NNT: variants seen among roughly 807,000 people sequenced by gnomAD.
The protein encoded by NNT is nicotinamide nucleotide transhydrogenase.
In NNT, 50 loss-of-function variants were observed where a neutral mutation model predicts 104.8. The ratio of observed to expected loss-of-function variants is 0.48; its 90% CI spans 0.38 to 0.60. NNT has a LOEUF of 0.60. Ranked by LOEUF, NNT falls within the 20% of genes least tolerant of loss-of-function variation. The pLI, the probability that NNT is intolerant of heterozygous loss-of-function variation, is 0.00. For missense variants in NNT, 1,131 were observed against 1,330.7 expected (o/e 0.85, Z 2.33); for synonymous variants, 461 against 490.4 (o/e 0.94, Z 0.79).
rs113865225 is a variant in NNT, at chr5:43,666,961, C to T, written c.2634+7611C>T. Reference sequence around the variant, plus strand: ...AATGTAGGCAAGTGGATCGAGCTTGCGGCTGACACCCTTTGGGATCTTGGG... The same window carrying T: ...AATGTAGGCAAGTGGATCGAGCTTGTGGCTGACACCCTTTGGGATCTTGGG... On this transcript the variant is annotated intron_variant, in intron 17 of 21. Transcript: ENST00000344920. The T allele has an allele frequency of 2.0e-3, 3,163 of 1,591,370 alleles. 13 individuals are homozygous for T. The highest frequency in any genetic ancestry group is 6.4e-3 in the South Asian group (582 of 90,854).
chr5:43,696,972 C>T (rs1257675881), intron 19 of NNT, among the ~76,000 whole-genome samples: 2 of 151,188 alleles, frequency 1.3e-5, no homozygotes, highest in Non-Finnish European at 2.9e-5. Context: ...CGCTGACATG[C>T]CCTGGAGAGA....
chr5:43,691,070 A>AGAGTGTGTGTGTGT (rs1245517310), intron 19 of NNT, among the ~76,000 whole-genome samples: 14 of 137,398 alleles, frequency 1.0e-4, no homozygotes, highest in Non-Finnish European at 6.3e-5. Context: ...TTTTTGAGAG[A>AGAGTGTGTGTGTGT]GTGTGTGTGT....
intron 3 of NNT, chr5:43,613,763 A>G (rs1749628749): frequency 1.3e-5 from 2 of 152,242 alleles, no homozygotes; most frequent in African/African-American, 4.8e-5. Flanking sequence ...ACAGATGATA[A>G]CTAGAGTTGA....
At chr5:43,665,795 G>A (rs1357885041) in intron 17 of NNT, among the ~76,000 whole-genome samples, 2 of 137,894 alleles carry the variant, frequency 1.5e-5, no homozygotes, top group Admixed American at 1.4e-4. Context: ...CTTCCCAGAC[G>A]GGGCAGCCAG....
At chr5:43,691,070 AGTGTGTGTGTGTGTGTGTGTGT>A (rs56075202) in intron 19 of NNT, among the ~76,000 whole-genome samples, 1 of 137,400 alleles carries the variant, frequency 7.3e-6, no homozygotes, top group Non-Finnish European at 1.6e-5. Flanking sequence ...TTTTTGAGAG[AGTGTGTGTGTGTGTGTGTGTGT>A]GTGTGTGTGT....
At chr5:43,635,492 G>T (rs1035106442) in intron 7 of NNT, among the ~76,000 whole-genome samples, 3 of 152,198 alleles carry the variant, frequency 2.0e-5, no homozygotes, top group East Asian at 1.9e-4. Context: ...GCTGGGAATT[G>T]TCTAGCTCTG....
intron 17 of NNT, among the ~76,000 whole-genome samples, chr5:43,675,180 A>G (rs1403159553): frequency 6.6e-6 from 1 of 152,236 alleles, no homozygotes; most frequent in Non-Finnish European, 1.5e-5. Flanking sequence ...TTGTTCAATC[A>G]GCATTCAGAC....
intron 1 of NNT, 134 bp downstream of exon 1, chr5:43,603,428 C>A (rs1483554760): frequency 1.3e-5 from 2 of 153,028 alleles, no homozygotes; most frequent in Non-Finnish European, 2.9e-5. Flanking sequence ...CAAAGCGGGG[C>A]GGGGTCGGCG....
intron 20 of NNT, among the ~76,000 whole-genome samples, chr5:43,701,714 T>C (rs919865376): frequency 5.3e-5 from 8 of 152,218 alleles, no homozygotes; most frequent in Non-Finnish European, 7.3e-5. Context: ...AATGTTCCAT[T>C]TTCTCCACAG....
chr5:43,685,492 T>A (rs913828754), intron 19 of NNT, among the ~76,000 whole-genome samples: 11 of 152,122 alleles, frequency 7.2e-5, no homozygotes, highest in African/African-American at 1.7e-4. Flanking sequence ...CTTATTTTTT[T>A]TAAAAAAATC....
chr5:43,632,195 G>A (rs972192269), intron 7 of NNT, among the ~76,000 whole-genome samples: 1 of 152,078 alleles, frequency 6.6e-6, no homozygotes, highest in Non-Finnish European at 1.5e-5. Context: ...CCTTTGCCTG[G>A]GTCCCCTGAT....
At chr5:43,611,821 G>A (rs746225203) in intron 2 of NNT, among the ~76,000 whole-genome samples, 12 of 152,100 alleles carry the variant, frequency 7.9e-5, no homozygotes, top group Non-Finnish European at 1.8e-4. Flanking sequence ...ATTAAAAAAT[G>A]TTTATGCTGC....
At chr5:43,611,848 C>G (rs916894843) in intron 2 of NNT, among the ~76,000 whole-genome samples, 21 of 152,118 alleles carry the variant, frequency 1.4e-4, no homozygotes, top group Non-Finnish European at 1.8e-4. Context: ...AGTAAAACAT[C>G]AGGAGAAACT....
chr5:43,666,882 C>G, intron 17 of NNT: 1 of 1,540,370 alleles, frequency 6.5e-7, no homozygotes, highest in Non-Finnish European at 8.9e-7. Flanking sequence ...GCCAGCACAG[C>G]CTGGGCCCCT....
chr5:43,666,005 G>T (rs1740642550), intron 17 of NNT, among the ~76,000 whole-genome samples: 1 of 151,868 alleles, frequency 6.6e-6, no homozygotes, highest in African/African-American at 2.4e-5. Context: ...GGGCAGCGGG[G>T]CAGAGGCGCT....
Position 43,619,084 on chromosome 5 carries a change from C to A in NNT, c.652C>A (p.Gln218Lys). 1 of 1,552,728 alleles carries A rather than the reference C, an allele frequency of 6.4e-7. No individual in the cohort carries two copies. Among genetic ancestry groups the A allele is most frequent in the South Asian group, 1.3e-5 (1 of 77,008 alleles). ...TCATTTTGGACGTTTTTTTACTGGT[C>A]AGATCACAGCTGCTGGAAAAGTTCC... Reference protein sequence around the residue: ...ANHFGRFFTGQITAAGKVPPA... With the variant: ...ANHFGRFFTGKITAAGKVPPA... The change falls in exon 5 of 22, where the codon CAG (glutamine) becomes AAG (lysine). Residue 218 changes from glutamine (Q) to lysine (K), a missense_variant. Physicochemically the swap from Gln to Lys is moderately conservative, Grantham distance 53. Transcript: ENST00000344920.
At chr5:43,661,344 C>A (rs1023437744) in intron 17 of NNT, among the ~76,000 whole-genome samples, 1 of 152,096 alleles carries the variant, frequency 6.6e-6, no homozygotes, top group Non-Finnish European at 1.5e-5. Context: ...CAGGGGGCAG[C>A]AGATTTTCAT....
chr5:43,649,104 A>G (rs1278825423), intron 10 of NNT, 43 bp from the exon 11 acceptor site: 1 of 1,603,948 alleles, frequency 6.2e-7, no homozygotes, highest in East Asian at 2.2e-5. Flanking sequence ...TACTGAGATA[A>G]CTGGATGTCA....
intron 10 of NNT, among the ~76,000 whole-genome samples, chr5:43,647,158 T>G (rs1739492487): frequency 6.6e-6 from 1 of 152,170 alleles, no homozygotes; most frequent in South Asian, 2.1e-4. Flanking sequence ...AAGCTAAACA[T>G]GTAACTCTCC....
Sources: gnomAD v4.1 joint callset for allele counts (sites outside exome capture counted in the v4.1 genomes callset) on GRCh38, gnomAD v4.1.1 for gene constraint, MANE v1.5 for transcripts, NCBI Gene and HGNC (gene_info 2026-07-23, HGNC 2026-07-21) for gene names.